The following DYNC1I2 variants were observed in gnomAD, a reference collection of about 807,000 sequenced individuals.
The protein encoded by DYNC1I2 is cytoplasmic dynein 1 intermediate chain 2.
In DYNC1I2, 53 loss-of-function variants were observed where a neutral mutation model predicts 88.6. That is an observed-to-expected ratio of 0.60 (90% confidence interval 0.48 to 0.75). The LOEUF is 0.75. Ranked by LOEUF, DYNC1I2 falls within the 30% of genes least tolerant of loss-of-function variation. The pLI is 0.00. For missense variants in DYNC1I2, 458 were observed against 766.6 expected, an observed-to-expected ratio of 0.60 and a Z score of 4.75; for synonymous variants, 198 against 254.6, an observed-to-expected ratio of 0.78 and a Z score of 2.12.
chr2:171,728,575 A>T (rs1688399826), intron 13 of DYNC1I2, 142 bp from the exon 14 acceptor site: 8 of 877,304 alleles, frequency 9.1e-6, no homozygotes, highest in Non-Finnish European at 1.3e-5. Context: ...ATATATATAT[A>T]TTTTACTTTG....
At chr2:171,733,059 G>A (rs1301773383) in intron 15 of DYNC1I2, among the ~76,000 whole-genome samples, 1 of 152,056 alleles carries the variant, frequency 6.6e-6, no homozygotes, top group Non-Finnish European at 1.5e-5. Context: ...TATGTTCATT[G>A]TTTAGCTCCC....
chr2:171,720,775 T>C (rs1046107914), intron 7 of DYNC1I2, among the ~76,000 whole-genome samples: 3 of 152,082 alleles, frequency 2.0e-5, no homozygotes, highest in Non-Finnish European at 2.9e-5. Context: ...GATTTTGGAA[T>C]GAATAACACA....
At position 171,726,080 on chromosome 2, in the gene DYNC1I2, G is replaced by C; in HGVS notation, c.769G>C (p.Gly257Arg). 6.4e-7 allele frequency: 1 copy of C among 1,574,220 alleles called. No homozygotes were observed. Among genetic ancestry groups the C allele is most frequent in the Non-Finnish European group, 8.6e-7 (1 of 1,164,652 alleles). ...YSGRDLEDKEGEIQAGAKLSL... is the reference protein window; with the variant it reads ...YSGRDLEDKEREIQAGAKLSL... ...TGGGAGAGATTTGGAAGACAAAGAAGGGTAATGTTTAGTTGCTAAGATTTT... is the reference window on the plus strand; with the variant it reads ...TGGGAGAGATTTGGAAGACAAAGAACGGTAATGTTTAGTTGCTAAGATTTT... Residue 257 changes from glycine to arginine, a missense_variant and splice_region_variant, in exon 9 of 18, where the codon GGA becomes CGA. Physicochemically the swap from Gly to Arg is moderately radical, Grantham distance 125 (BLOSUM62 -2). Transcript: ENST00000397119.
intron 15 of DYNC1I2, among the ~76,000 whole-genome samples, chr2:171,736,606 A>G (rs1489553415): frequency 1.3e-5 from 2 of 152,172 alleles, no homozygotes; most frequent in African/African-American, 2.4e-5. Flanking sequence ...TGGGGTAGTA[A>G]TTCTCAAAAT....
chr2:171,709,036 G>A (rs140156566), intron 5 of DYNC1I2, among the ~76,000 whole-genome samples: 103 of 152,084 alleles, frequency 6.8e-4, no homozygotes, highest in Middle Eastern at 3.4e-3. Context: ...ATTTTTAAGT[G>A]AAAGCGTTTT....
intron 15 of DYNC1I2, among the ~76,000 whole-genome samples, chr2:171,738,954 G>A (rs573752502): frequency 4.3e-4 from 66 of 152,184 alleles, no homozygotes; most frequent in African/African-American, 1.6e-3. Context: ...TTCGAGGCCA[G>A]CCTGGCCAAC....
intron 11 of DYNC1I2, 139 bp downstream of exon 11, chr2:171,727,055 C>A: frequency 2.2e-6 from 2 of 925,670 alleles, no homozygotes; most frequent in Non-Finnish European, 3.1e-6. Context: ...TATTTGCAAA[C>A]AGATGTTAAC....
chr2:171,724,489 A>G (rs975692976), intron 7 of DYNC1I2, among the ~76,000 whole-genome samples: 3 of 152,138 alleles, frequency 2.0e-5, no homozygotes, highest in African/African-American at 7.2e-5. Context: ...GAAAGACACA[A>G]TCCCAGCAGT....
At chr2:171,732,604 T>G (rs992777359) in intron 15 of DYNC1I2, among the ~76,000 whole-genome samples, 7 of 152,214 alleles carry the variant, frequency 4.6e-5, no homozygotes, top group African/African-American at 1.7e-4. Flanking sequence ...GAGGACTTAC[T>G]GTATTCTAAA....
chr2:171,745,401 C>T (rs1171147780), intron 16 of DYNC1I2, among the ~76,000 whole-genome samples: 3 of 152,174 alleles, frequency 2.0e-5, no homozygotes, highest in Non-Finnish European at 4.4e-5. Context: ...ACAAGTGATT[C>T]TTGTCCTTTA....
chr2:171,742,719 A>G (rs1035356581), intron 15 of DYNC1I2, among the ~76,000 whole-genome samples: 3 of 152,154 alleles, frequency 2.0e-5, no homozygotes, highest in Non-Finnish European at 2.9e-5. Flanking sequence ...GCTTTTGCAA[A>G]GTGAGAATAC....
chr2:171,728,444 T>C (rs1391728541), intron 13 of DYNC1I2, 26 bp downstream of exon 13: 2 of 1,396,592 alleles, frequency 1.4e-6, no homozygotes, highest in Admixed American at 2.1e-5. Flanking sequence ...GAAACTGAAA[T>C]TTTGAGGCAA....
At chr2:171,738,987 A>G (rs1043417578) in intron 15 of DYNC1I2, among the ~76,000 whole-genome samples, 3 of 152,132 alleles carry the variant, frequency 2.0e-5, no homozygotes, top group Non-Finnish European at 4.4e-5. Flanking sequence ...CATCTCTACT[A>G]AAAATACAAA....
rs745778537 is a variant in DYNC1I2, at chr2:171,726,822, A to G, written c.902A>G (p.Asn301Ser). The G allele has an allele frequency of 1.2e-6, 2 of 1,613,088 alleles. No individual in the cohort carries two copies. Among genetic ancestry groups the G allele is most frequent in the African/African-American group, 1.3e-5 (1 of 74,880 alleles). The change falls in exon 11 of 18, where the codon AAC (asparagine) becomes AGC (serine). Residue 301 changes from asparagine to serine, a missense_variant. Asn to Ser is a conservative substitution (Grantham distance 46, BLOSUM62 1). Around this residue, in one of 5 missense-constraint regions of DYNC1I2, gnomAD observed 203 missense variants for 354.2 expected, o/e 0.57. Coordinates refer to ENST00000397119, the MANE Select transcript of DYNC1I2 (RefSeq NM_001378.3). ...GAGTTACTCGTGGCTTCCTATAACA[A>G]CAATGAAGATGCCCCTCATGAGCCT... Reference protein sequence around the residue: ...YPELLVASYNNNEDAPHEPDG... With the variant: ...YPELLVASYNSNEDAPHEPDG...
intron 5 of DYNC1I2, among the ~76,000 whole-genome samples, chr2:171,709,426 C>T (rs1483354428): frequency 6.6e-6 from 1 of 152,094 alleles, no homozygotes; most frequent in African/African-American, 2.4e-5. Context: ...TATTAAAATA[C>T]TATGGTTTAC....
At chr2:171,745,670 G>T (rs557284721) in intron 16 of DYNC1I2, 132 bp from the exon 17 acceptor site, 41 of 937,894 alleles carry the variant, frequency 4.4e-5, no homozygotes, top group Non-Finnish European at 6.1e-5. Context: ...GAAGAAAGTT[G>T]GGGAAATTCT....
Position 171,726,295 on chromosome 2 carries a change from TAAAATATAAC to T in DYNC1I2, c.870+9_870+18del. Reference sequence around the variant, plus strand: ...AGTTGTTTGGATTGGTCATCTCAGGTAAAATATAACAAAATAGGCCGCTCTTAACTCATTT... The same window carrying T: ...AGTTGTTTGGATTGGTCATCTCAGGTAAAATAGGCCGCTCTTAACTCATTT... On this transcript the variant is annotated splice_donor_5th_base_variant and intron_variant, in intron 10 of 17. Coordinates refer to ENST00000397119, the MANE Select transcript of DYNC1I2 (RefSeq NM_001378.3). 2.5e-6 allele frequency: 4 copies of T among 1,601,066 alleles called. No homozygotes were observed. The highest frequency in any genetic ancestry group is 3.4e-6 in the Non-Finnish European group (4 of 1,174,668).
intron 15 of DYNC1I2, among the ~76,000 whole-genome samples, chr2:171,731,590 A>G (rs576697825): frequency 6.6e-6 from 1 of 152,238 alleles, no homozygotes; most frequent in Admixed American, 6.5e-5. Flanking sequence ...CCATGTTTAC[A>G]AAAAATTTAA....
At position 171,697,104 on chromosome 2, in the gene DYNC1I2, G is replaced by A. The variant is rs188639416; in HGVS notation, c.226+4210G>A. The stretch of plus-strand genomic sequence containing the variant: ...TAGCCTCAACCTCCCAGGCTCAAGC[G>A]ATCCTCTCACCTCAGCCTCCCAAGT... On this transcript the variant is annotated intron_variant, in intron 3 of 17. Transcript: ENST00000397119. Among the ~76,000 whole-genome samples the A allele has an allele frequency of 1.0e-3, 153 of 152,122 alleles. 1 individual carries two copies. Among genetic ancestry groups the A allele is most frequent in the Non-Finnish European group, 1.6e-3 (110 of 67,978 alleles).
Sources: gnomAD v4.1 joint callset for allele counts (sites outside exome capture counted in the v4.1 genomes callset) on GRCh38, gnomAD v4.1.1 for gene constraint, gnomAD v4.1.1 regional missense constraint, MANE v1.5 for transcripts, NCBI Gene and HGNC (gene_info 2026-07-23, HGNC 2026-07-21) for gene names.